The following APBA1 variants were observed in gnomAD, a reference collection of about 807,000 sequenced individuals.
APBA1 encodes the protein amyloid-beta A4 precursor protein-binding family A member 1.
Under a neutral mutation model 86.6 loss-of-function variants are expected in APBA1, and 55 were observed. The observed-to-expected ratio is 0.64, with a 90% CI of 0.51 to 0.80. The LOEUF is 0.80. Among genes scored for constraint, APBA1 ranks in the 30% least tolerant of loss-of-function variants. The probability of loss-of-function intolerance (pLI) is 0.00; values close to 1 mark genes in which losing one functional copy is unlikely to be tolerated. For missense variants in APBA1, 1,090 were observed against 1,183.0 expected, an observed-to-expected ratio of 0.92 and a Z score of 1.15; for synonymous variants, 511 against 493.9, an observed-to-expected ratio of 1.03 and a Z score of -0.46.
intron 1 of APBA1, among the ~76,000 whole-genome samples, chr9:69,641,031 A>G (rs144954924): frequency 0.012 from 1,850 of 152,200 alleles, 15 homozygotes; most frequent in Middle Eastern, 0.037. Context: ...TGCAGATGAC[A>G]TAATCTGCAG....
rs191723075 is a variant in APBA1 at position 69,495,898 on chromosome 9, G to A, written c.1201-19755C>T. 2.3e-3 allele frequency among the ~76,000 whole-genome samples: 354 copies of A among 152,154 alleles called. 3 individuals carry two copies. Among genetic ancestry groups the A allele is most frequent in the African/African-American group, 8.0e-3 (330 of 41,504 alleles). ...AGCTAGGGGCCGCACCTCTAGGCAC[G>A]GGAAGTCTCTTCACCTTTACCGAGG... On this transcript the variant is annotated intron_variant, in intron 2 of 12. Transcript: ENST00000265381.
At chr9:69,486,091 A>T (rs1835605392) in intron 2 of APBA1, among the ~76,000 whole-genome samples, 1 of 151,998 alleles carries the variant, frequency 6.6e-6, no homozygotes, top group African/African-American at 2.4e-5. Flanking sequence ...AGCTGGGACT[A>T]GAGGTGCACA....
intron 1 of APBA1, 74 bp from the exon 2 acceptor site, chr9:69,517,353 T>C: frequency 6.2e-6 from 8 of 1,289,778 alleles, no homozygotes; most frequent in Non-Finnish European, 7.9e-6. Context: ...CAGATAACCA[T>C]AAAAACAACT....
intron 1 of APBA1, among the ~76,000 whole-genome samples, chr9:69,622,178 T>C (rs751121128): frequency 6.6e-6 from 1 of 152,208 alleles, no homozygotes; most frequent in Non-Finnish European, 1.5e-5. Flanking sequence ...AAATCCATTC[T>C]CCTCCTGTCA....
intron 10 of APBA1, 131 bp from the exon 11 acceptor site, chr9:69,441,246 G>C: frequency 8.9e-7 from 1 of 1,122,468 alleles, no homozygotes; most frequent in South Asian, 1.6e-5. Flanking sequence ...CTTGCCTGCA[G>C]GCCTCTGGTG....
chr9:69,490,128 T>C (rs1164556810), intron 2 of APBA1, among the ~76,000 whole-genome samples: 2 of 152,058 alleles, frequency 1.3e-5, no homozygotes, highest in Admixed American at 6.5e-5. Context: ...ATATACACCA[T>C]GGAATACTAT....
chr9:69,564,095 C>G (rs899030077), intron 1 of APBA1, among the ~76,000 whole-genome samples: 2 of 152,136 alleles, frequency 1.3e-5, no homozygotes, highest in African/African-American at 4.8e-5. Flanking sequence ...CCAAAGCATT[C>G]TCTCCTGACT....
chr9:69,598,489 T>A (rs553565466), intron 1 of APBA1, among the ~76,000 whole-genome samples: 1 of 152,028 alleles, frequency 6.6e-6, no homozygotes, highest in South Asian at 2.1e-4. Flanking sequence ...ACAGCACACC[T>A]CACTCCAGGT....
intron 2 of APBA1, among the ~76,000 whole-genome samples, chr9:69,496,432 T>C (rs1835795814): frequency 6.6e-6 from 1 of 152,104 alleles, no homozygotes; most frequent in Admixed American, 6.5e-5. Flanking sequence ...AATCCACAGC[T>C]GGCAAATCCT....
At chr9:69,433,785 AATG>A (rs1000321308) in intron 11 of APBA1, among the ~76,000 whole-genome samples, 1 of 151,500 alleles carries the variant, frequency 6.6e-6, no homozygotes, top group African/African-American at 2.4e-5. Context: ...ATGTATTTGG[AATG>A]ATATTTTAAT....
chr9:69,639,152 G>A (rs947859726), intron 1 of APBA1, among the ~76,000 whole-genome samples: 3 of 151,834 alleles, frequency 2.0e-5, no homozygotes, highest in Non-Finnish European at 4.4e-5. Context: ...ACATTTTTTC[G>A]GCATTATTTT....
intron 1 of APBA1, among the ~76,000 whole-genome samples, chr9:69,633,943 A>C (rs1179013150): frequency 6.6e-6 from 1 of 152,238 alleles, no homozygotes; most frequent in East Asian, 1.9e-4. Context: ...CTCTGTAAGA[A>C]AGTTATTCAG....
At chr9:69,455,551 A>C (rs1419699132) in intron 8 of APBA1, among the ~76,000 whole-genome samples, 2 of 152,100 alleles carry the variant, frequency 1.3e-5, no homozygotes, top group Non-Finnish European at 2.9e-5. Context: ...TCACCCAGAG[A>C]AATGGAGCTT....
chr9:69,521,036 C>T (rs1296032143), intron 1 of APBA1, among the ~76,000 whole-genome samples: 3 of 152,224 alleles, frequency 2.0e-5, no homozygotes, highest in Non-Finnish European at 4.4e-5. Context: ...CCAGGTACTA[C>T]TAGGCATTTT....
chr9:69,550,510 G>T (rs577673715), intron 1 of APBA1, among the ~76,000 whole-genome samples: 4 of 152,252 alleles, frequency 2.6e-5, no homozygotes, highest in Admixed American at 2.6e-4. Context: ...CATGTATTAT[G>T]GTAGAGGGTT....
At chr9:69,570,315 T>C (rs1294731840) in intron 1 of APBA1, among the ~76,000 whole-genome samples, 2 of 152,168 alleles carry the variant, frequency 1.3e-5, no homozygotes, top group African/African-American at 2.4e-5. Flanking sequence ...GACAGTGTGA[T>C]TGCAGAGGCC....
intron 1 of APBA1, among the ~76,000 whole-genome samples, chr9:69,588,086 A>G (rs1165945353): frequency 6.6e-6 from 1 of 152,012 alleles, no homozygotes; most frequent in Admixed American, 6.6e-5. Flanking sequence ...AGGTAGGTGA[A>G]AGAAGCAGTG....
chr9:69,576,400 T>G (rs1212917439), intron 1 of APBA1, among the ~76,000 whole-genome samples: 1 of 152,226 alleles, frequency 6.6e-6, no homozygotes, highest in Non-Finnish European at 1.5e-5. Context: ...TAAAGACACA[T>G]GCACACTTAT....
chr9:69,475,216 G>C (rs930037150), intron 3 of APBA1, among the ~76,000 whole-genome samples: 4 of 152,196 alleles, frequency 2.6e-5, no homozygotes, highest in Non-Finnish European at 5.9e-5. Flanking sequence ...TCACTGAAAT[G>C]CTCCACATAA....
Sources: allele counts gnomAD v4.1 joint callset (sites outside exome capture counted in the v4.1 genomes callset), GRCh38; gene constraint gnomAD v4.1.1; transcripts MANE v1.5; gene names NCBI Gene and HGNC (gene_info 2026-07-23, HGNC 2026-07-21).